The following DNAH12 variants were observed in gnomAD, a reference collection of about 807,000 sequenced individuals.
The protein encoded by DNAH12 is axonemal beta dynein heavy chain 12.
DNAH12 carries 285 observed loss-of-function variants against 371.5 expected under a neutral mutation model. The observed-to-expected ratio is 0.77, with a 90% CI of 0.70 to 0.85. The LOEUF (loss-of-function observed/expected upper bound fraction) is 0.85, where lower values mean the gene tolerates loss of function less well. Ranked by LOEUF, DNAH12 falls within the 40% of genes least tolerant of loss-of-function variation. DNAH12 has a pLI of 0.00. For missense variants in DNAH12, 3,611 were observed against 3,689.4 expected (o/e 0.98, Z 0.55); for synonymous variants, 1,200 against 1,213.0 (o/e 0.99, Z 0.22).
intron 12 of DNAH12, among the ~76,000 whole-genome samples, chr3:57,483,950 C>CAAAAAA (rs71088079): frequency 4.7e-5 from 3 of 64,068 alleles, no homozygotes; most frequent in African/African-American, 1.4e-4. Context: ...GACCCTGTCT[C>CAAAAAA]AAAAAAAAAA....
chr3:57,314,481 T>C lies in DNAH12; in HGVS notation c.10662+13A>G, dbSNP rs1477594320. ...GTGATCCTTCATGAATGTTAATTTC[T>C]TGTTAATTTTACCTGCAGTTGTCGG... On this transcript the variant is annotated intron_variant, in intron 66 of 73. Coordinates refer to ENST00000495027, the MANE Select transcript of DNAH12 (RefSeq NM_001366028.2). The C allele has an allele frequency of 1.3e-6, 2 of 1,550,886 alleles. No homozygotes were observed. Among genetic ancestry groups the C allele is most frequent in the Non-Finnish European group, 1.7e-6 (2 of 1,146,784 alleles).
chr3:57,404,661 A>C (rs921637952), intron 42 of DNAH12, among the ~76,000 whole-genome samples: 1 of 152,198 alleles, frequency 6.6e-6, no homozygotes, highest in East Asian at 1.9e-4. Flanking sequence ...TGGAGGTTGC[A>C]GCGAGCTGAG....
chr3:57,478,108 A>G (rs2066600156), intron 13 of DNAH12, among the ~76,000 whole-genome samples: 1 of 152,238 alleles, frequency 6.6e-6, no homozygotes, highest in Admixed American at 6.5e-5. Context: ...AGAAGGCTTC[A>G]GATGATCAAA....
intron 4 of DNAH12, chr3:57,520,024 A>C (rs1001940737): frequency 1.2e-5 from 9 of 743,676 alleles, no homozygotes; most frequent in Non-Finnish European, 1.8e-5. Context: ...AGCGCCGCGG[A>C]GCCGATGGCC....
At chr3:57,370,538 GACAA>G (rs2063149453) in intron 55 of DNAH12, among the ~76,000 whole-genome samples, 1 of 152,164 alleles carries the variant, frequency 6.6e-6, no homozygotes, top group Non-Finnish European at 1.5e-5. Flanking sequence ...ATTATAAACA[GACAA>G]ACTGTTAGAA....
intron 60 of DNAH12, among the ~76,000 whole-genome samples, chr3:57,346,102 A>G (rs1394896253): frequency 2.0e-5 from 3 of 152,198 alleles, no homozygotes; most frequent in East Asian, 1.9e-4. Context: ...GGATATGCTC[A>G]TTACCCTGAT....
At chr3:57,340,157 G>T (rs1466622687) in intron 60 of DNAH12, among the ~76,000 whole-genome samples, 5 of 151,868 alleles carry the variant, frequency 3.3e-5, no homozygotes, top group Non-Finnish European at 5.9e-5. Flanking sequence ...CATGTTTATA[G>T]CAAGTTTACA....
Position 57,453,387 on chromosome 3 carries a change from TA to T in DNAH12, c.3472del (p.Tyr1158IlefsTer8), listed in dbSNP as rs776994829. 6.5e-7 allele frequency: 1 copy of T among 1,543,168 alleles called. No individual in the cohort carries two copies. Among genetic ancestry groups the T allele is most frequent in the South Asian group, 1.2e-5 (1 of 81,580 alleles). ...ATTCAGTTGGTTCTGAAGTTCCTTATAATACTTCTTTAATCCCTACAAAATA... is the reference window on the plus strand; with the variant it reads ...ATTCAGTTGGTTCTGAAGTTCCTTATATACTTCTTTAATCCCTACAAAATA... ...SGGTEGLKKY[Y>X]KELQNQLNEI... On this transcript the variant is annotated frameshift_variant, in exon 24 of 74. Transcript: ENST00000495027. LOFTEE classifies it high-confidence loss of function.
At chr3:57,442,525 T>TA (rs1559663295) in intron 29 of DNAH12, among the ~76,000 whole-genome samples, 1 of 152,128 alleles carries the variant, frequency 6.6e-6, no homozygotes, top group East Asian at 1.9e-4. Context: ...GGTAAAGCTA[T>TA]AAAGCCAATA....
At chr3:57,437,782 C>G (rs537364851) in intron 29 of DNAH12, among the ~76,000 whole-genome samples, 1 of 152,306 alleles carries the variant, frequency 6.6e-6, no homozygotes, top group East Asian at 1.9e-4. Flanking sequence ...GAAAGACACA[C>G]AGAGAGATTT....
chr3:57,499,404 T>C (rs1342750162), intron 11 of DNAH12, among the ~76,000 whole-genome samples: 6 of 151,550 alleles, frequency 4.0e-5, no homozygotes, highest in Non-Finnish European at 8.8e-5. Flanking sequence ...TTAATTTCTC[T>C]TGAAATTAAT....
chr3:57,348,931 T>C (rs543209311), intron 60 of DNAH12, among the ~76,000 whole-genome samples: 1 of 152,276 alleles, frequency 6.6e-6, no homozygotes, highest in African/African-American at 2.4e-5. Context: ...GACACTCTTG[T>C]GTAAAAGAAC....
At chr3:57,486,510 A>C (rs1467886904) in intron 12 of DNAH12, among the ~76,000 whole-genome samples, 1 of 152,172 alleles carries the variant, frequency 6.6e-6, no homozygotes, top group Non-Finnish European at 1.5e-5. Flanking sequence ...AAAAGAGGTA[A>C]ATGATTTTTT....
chr3:57,393,625 CAAAAAAAAAAAAAAAAAAAA>C (rs1180952196), intron 44 of DNAH12, among the ~76,000 whole-genome samples: 1 of 64,298 alleles, frequency 1.6e-5, no homozygotes, highest in African/African-American at 8.7e-5. Context: ...GACTCTGTCT[CAAAAAAAAAAAAAAAAAAAA>C]AAAAAAGAAA....
chr3:57,476,051 G>A (rs2066512595), intron 13 of DNAH12, among the ~76,000 whole-genome samples: 1 of 152,034 alleles, frequency 6.6e-6, no homozygotes. Context: ...ATACAATGTG[G>A]AATGGATACA....
At chr3:57,403,040 G>A (rs782794932) in intron 43 of DNAH12, among the ~76,000 whole-genome samples, 25 of 152,266 alleles carry the variant, frequency 1.6e-4, no homozygotes, top group Non-Finnish European at 2.8e-4. Context: ...TGTGTCACAT[G>A]TCACTCAGCT....
At chr3:57,425,301 C>G (rs1311837931) in intron 34 of DNAH12, among the ~76,000 whole-genome samples, 160 bp from the exon 35 acceptor site, 1 of 151,762 alleles carries the variant, frequency 6.6e-6, no homozygotes, top group African/African-American at 2.4e-5. Context: ...AGGCTGGAGC[C>G]CAGTTGCACA....
chr3:57,445,639 G>GA (rs568596769), intron 27 of DNAH12, among the ~76,000 whole-genome samples: 156 of 151,946 alleles, frequency 1.0e-3, no homozygotes, highest in African/African-American at 3.5e-3. Context: ...CAATTTTATG[G>GA]AAAAAAATCA....
At chr3:57,429,567 T>C in intron 33 of DNAH12, 124 bp downstream of exon 33, 2 of 835,566 alleles carry the variant, frequency 2.4e-6, no homozygotes, top group South Asian at 1.8e-5. Flanking sequence ...ATACACTGTG[T>C]CTTATTCATC....
Sources: allele counts gnomAD v4.1 joint callset (sites outside exome capture counted in the v4.1 genomes callset), GRCh38; gene constraint gnomAD v4.1.1; transcripts MANE v1.5; gene names NCBI Gene and HGNC (gene_info 2026-07-23, HGNC 2026-07-21).